Variants in PPP2R3A observed in about 807,000 individuals in gnomAD.
PPP2R3A encodes protein phosphatase 2 regulatory subunit B''alpha.
A neutral mutation model predicts 106.9 loss-of-function variants in PPP2R3A; 80 were observed. That is an observed-to-expected ratio of 0.75 (90% CI 0.62 to 0.90). The LOEUF (loss-of-function observed/expected upper bound fraction) is 0.90. PPP2R3A is among the 40% of genes least tolerant of loss of function. PPP2R3A has a pLI of 0.00. For missense variants in PPP2R3A, 1,386 were observed against 1,350.4 expected, an observed-to-expected ratio of 1.03 and a Z score of -0.41; for synonymous variants, 483 against 468.3, an observed-to-expected ratio of 1.03 and a Z score of -0.41.
intron 13 of PPP2R3A, among the ~76,000 whole-genome samples, chr3:136,111,550 A>AC (rs1395555960): frequency 6.6e-6 from 1 of 152,190 alleles, no homozygotes; most frequent in Non-Finnish European, 1.5e-5. Flanking sequence ...AACTTAGAAG[A>AC]AATTGATAAA....
At chr3:136,093,623 T>C (rs1457141573) in intron 10 of PPP2R3A, among the ~76,000 whole-genome samples, 1 of 152,100 alleles carries the variant, frequency 6.6e-6, no homozygotes, top group Non-Finnish European at 1.5e-5. Context: ...AAAGAAGATA[T>C]ATGCATGGCC....
At chr3:136,027,128 T>A in intron 3 of PPP2R3A, 30 bp downstream of exon 3, 1 of 1,573,686 alleles carries the variant, frequency 6.4e-7, no homozygotes, top group Non-Finnish European at 8.6e-7. Context: ...ATTTACAATC[T>A]CCCCTTCTTT....
At chr3:135,985,376 C>T (rs1576411927) in intron 1 of PPP2R3A, among the ~76,000 whole-genome samples, 4 of 82,448 alleles carry the variant, frequency 4.9e-5, no homozygotes, top group African/African-American at 1.1e-4. Flanking sequence ...CTCTCCCTTC[C>T]TCTCTCCCTC....
At chr3:136,073,615 A>G (rs755932824) in intron 6 of PPP2R3A, among the ~76,000 whole-genome samples, 7 of 152,244 alleles carry the variant, frequency 4.6e-5, no homozygotes, top group Non-Finnish European at 8.8e-5. Flanking sequence ...TAAATAGTAA[A>G]CAAGACCTAA....
At position 136,086,375 on chromosome 3, in the gene PPP2R3A, G is replaced by A. The variant is rs192369200; in HGVS notation, c.2789-1508G>A. Among the ~76,000 whole-genome samples the A allele has an allele frequency of 9.7e-4, 147 of 151,956 alleles. 1 individual carries two copies. Among genetic ancestry groups the A allele is most frequent in the African/African-American group, 1.8e-3 (74 of 41,422 alleles). The stretch of plus-strand genomic sequence containing the variant: ...TGCGTGCCTGTAATCCTAGCTACTC[G>A]GGAGGCTGAGGCAGGAGAACCGCTT... On this transcript the variant is annotated intron_variant, in intron 8 of 13. Coordinates refer to ENST00000264977, the MANE Select transcript of PPP2R3A (RefSeq NM_002718.5).
chr3:136,077,348 A>G (rs555231882), intron 6 of PPP2R3A, among the ~76,000 whole-genome samples: 4 of 152,250 alleles, frequency 2.6e-5, no homozygotes, highest in Admixed American at 2.6e-4. Context: ...CATTAGGCCT[A>G]CTATTGAGAA....
At chr3:136,055,778 A>T (rs990565773) in intron 5 of PPP2R3A, 5 of 612,128 alleles carry the variant, frequency 8.2e-6, no homozygotes, top group Non-Finnish European at 1.5e-5. Flanking sequence ...TTTTAAAAAC[A>T]AATTGCACAT....
intron 13 of PPP2R3A, among the ~76,000 whole-genome samples, chr3:136,112,335 G>C (rs1187949284): frequency 1.3e-5 from 2 of 152,146 alleles, no homozygotes; most frequent in Non-Finnish European, 2.9e-5. Context: ...AATAGGAAGA[G>C]AGAAAGTCAA....
chr3:136,128,416 C>T (rs1364021621), intron 13 of PPP2R3A, among the ~76,000 whole-genome samples: 1 of 150,764 alleles, frequency 6.6e-6, no homozygotes. Context: ...TCAAAAGAGA[C>T]AAAGAAGGCC....
intron 13 of PPP2R3A, among the ~76,000 whole-genome samples, chr3:136,118,500 C>T (rs1937867817): frequency 6.6e-6 from 1 of 152,194 alleles, no homozygotes; most frequent in South Asian, 2.1e-4. Context: ...CCCAAAATCT[C>T]CTTAAGCTGA....
intron 1 of PPP2R3A, among the ~76,000 whole-genome samples, chr3:135,986,452 A>C (rs1932919858): frequency 6.6e-6 from 1 of 152,128 alleles, no homozygotes; most frequent in Non-Finnish European, 1.5e-5. Flanking sequence ...CATGCTGCTG[A>C]ACTTGACATA....
At chr3:136,127,880 T>C (rs1437548074) in intron 13 of PPP2R3A, among the ~76,000 whole-genome samples, 2 of 152,146 alleles carry the variant, frequency 1.3e-5, no homozygotes, top group Non-Finnish European at 2.9e-5. Context: ...AAGAAAAGAA[T>C]TTTCAACCCA....
At chr3:136,119,773 G>A (rs751827412) in intron 13 of PPP2R3A, among the ~76,000 whole-genome samples, 12 of 152,214 alleles carry the variant, frequency 7.9e-5, no homozygotes, top group Non-Finnish European at 1.2e-4. Context: ...GTATAAGTTA[G>A]TTCAACCATT....
At chr3:136,127,346 T>C (rs545830019) in intron 13 of PPP2R3A, among the ~76,000 whole-genome samples, 2 of 152,236 alleles carry the variant, frequency 1.3e-5, no homozygotes, top group South Asian at 2.1e-4. Context: ...CTGAAAACCA[T>C]GGCACAAGAA....
chr3:136,028,842 GTTGTTGTT>G (rs915784289), intron 3 of PPP2R3A, among the ~76,000 whole-genome samples: 13 of 151,936 alleles, frequency 8.6e-5, no homozygotes, highest in African/African-American at 3.1e-4. Flanking sequence ...GTTTTTTGTT[GTTGTTGTT>G]TTGTTTTGTT....
intron 1 of PPP2R3A, among the ~76,000 whole-genome samples, chr3:135,973,765 A>C (rs1476880222): frequency 6.6e-6 from 1 of 152,208 alleles, no homozygotes; most frequent in African/African-American, 2.4e-5. Context: ...GATCTCACTT[A>C]GTTCAGTCAA....
At chr3:136,075,708 G>A (rs1936572629) in intron 6 of PPP2R3A, among the ~76,000 whole-genome samples, 1 of 151,954 alleles carries the variant, frequency 6.6e-6, no homozygotes, top group Non-Finnish European at 1.5e-5. Flanking sequence ...ATAATATAAA[G>A]TATTTGAGTA....
intron 5 of PPP2R3A, among the ~76,000 whole-genome samples, chr3:136,054,251 T>A (rs1057407950): frequency 1.6e-4 from 23 of 142,288 alleles, no homozygotes; most frequent in South Asian, 4.4e-4. Flanking sequence ...TACTTCACAA[T>A]TCTTTTTTTT....
At chr3:136,117,225 C>T (rs2107993723) in intron 13 of PPP2R3A, among the ~76,000 whole-genome samples, 2 of 152,258 alleles carry the variant, frequency 1.3e-5, no homozygotes, top group Middle Eastern at 3.4e-3. Flanking sequence ...ATCTCTGGGA[C>T]ACATTTAAAG....
Sources: allele counts gnomAD v4.1 joint callset (sites outside exome capture counted in the v4.1 genomes callset), GRCh38; gene constraint gnomAD v4.1.1; transcripts MANE v1.5; gene names NCBI Gene and HGNC (gene_info 2026-07-23, HGNC 2026-07-21).